Variants in PTPRT observed in about 807,000 individuals in gnomAD.
PTPRT encodes the protein receptor-type tyrosine-protein phosphatase T.
In PTPRT, 56 loss-of-function variants were observed where a neutral mutation model predicts 176.8. The observed-to-expected ratio is 0.32, with a 90% CI of 0.26 to 0.40. The LOEUF (loss-of-function observed/expected upper bound fraction) is 0.40, where lower values mean the gene tolerates loss of function less well. Ranked by LOEUF, PTPRT falls within the 10% of genes least tolerant of loss-of-function variation. The pLI is 1.00. For missense variants in PTPRT, 1,540 were observed against 1,908.2 expected, an observed-to-expected ratio of 0.81 and a Z score of 3.60; for synonymous variants, 783 against 739.0, an observed-to-expected ratio of 1.06 and a Z score of -0.96.
chr20:42,140,949 A>T (rs1026366565), intron 18 of PTPRT, among the ~76,000 whole-genome samples: 3 of 152,098 alleles, frequency 2.0e-5, no homozygotes, highest in African/African-American at 7.2e-5. Context: ...GAGGAATCAA[A>T]AGTTTACAGA....
intron 1 of PTPRT, among the ~76,000 whole-genome samples, chr20:43,143,180 T>G (rs2014070382): frequency 6.6e-6 from 1 of 152,158 alleles, no homozygotes; most frequent in Non-Finnish European, 1.5e-5. Flanking sequence ...CTCTTCACCC[T>G]GGGTTACTCC....
At chr20:42,152,434 A>G (rs1001242503) in intron 17 of PTPRT, among the ~76,000 whole-genome samples, 1 of 152,254 alleles carries the variant, frequency 6.6e-6, no homozygotes, top group African/African-American at 2.4e-5. Context: ...AGAAAATCAG[A>G]TTGCAGCAAG....
the PTPRT span, among the ~76,000 whole-genome samples, chr20:42,048,644 G>A: frequency 5.7e-4 from 87 of 152,080 alleles, no homozygotes; most frequent in African/African-American, 2.1e-3. Context: ...GAGCAAGAAT[G>A]CCTCTAGATG....
intron 2 of PTPRT, among the ~76,000 whole-genome samples, chr20:42,860,652 T>C (rs1443911771): frequency 6.6e-6 from 1 of 152,208 alleles, no homozygotes; most frequent in Non-Finnish European, 1.5e-5. Flanking sequence ...TGAATCCTTT[T>C]ATATTATGTT....
chr20:42,878,983 C>A (rs1192331748), intron 2 of PTPRT, among the ~76,000 whole-genome samples: 2 of 152,040 alleles, frequency 1.3e-5, no homozygotes, highest in African/African-American at 4.8e-5. Context: ...GAGCCGAGAT[C>A]GTGCTACAGC....
chr20:42,164,546 T>C (rs1989745938), intron 16 of PTPRT, among the ~76,000 whole-genome samples: 1 of 152,198 alleles, frequency 6.6e-6, no homozygotes, highest in Non-Finnish European at 1.5e-5. Flanking sequence ...TTCCAAAGTA[T>C]CTTACCTCAC....
At chr20:42,402,746 T>A (rs1325080444) in intron 9 of PTPRT, among the ~76,000 whole-genome samples, 1 of 151,890 alleles carries the variant, frequency 6.6e-6, no homozygotes, top group Non-Finnish European at 1.5e-5. Context: ...GCAGGATTTG[T>A]GAAAACATCT....
At chr20:43,130,998 C>T (rs1256844242) in intron 1 of PTPRT, among the ~76,000 whole-genome samples, 3 of 152,216 alleles carry the variant, frequency 2.0e-5, no homozygotes, top group African/African-American at 7.2e-5. Context: ...CCACCTGACG[C>T]CTACAACAGT....
At position 42,505,883 on chromosome 20, in the gene PTPRT, T is replaced by G. The variant is rs370112211; in HGVS notation, c.1154-33321A>C. ...TGACTGCTTTTCATTGGAATTGGAT[T>G]AAAGCATATTTCACTTTGTTCATTG... On this transcript the variant is annotated intron_variant, in intron 7 of 30. Transcript: ENST00000373187. 8.5e-5 allele frequency among the ~76,000 whole-genome samples: 13 copies of G among 152,286 alleles called. No individual in the cohort carries two copies. The East Asian group carries it at 1.4e-3, about 16-fold the overall frequency.
intron 16 of PTPRT, among the ~76,000 whole-genome samples, chr20:42,184,587 T>TCTTCTTCTTCTC (rs1990680596): frequency 7.0e-6 from 1 of 142,930 alleles, no homozygotes; most frequent in Non-Finnish European, 1.5e-5. Context: ...TTCTTCTTCT[T>TCTTCTTCTTCTC]CTTCTTCCTC....
intron 1 of PTPRT, among the ~76,000 whole-genome samples, chr20:42,896,631 G>A (rs1188498731): frequency 6.2e-5 from 8 of 129,692 alleles, no homozygotes; most frequent in African/African-American, 9.3e-5. Flanking sequence ...GCACAACTCC[G>A]TCTCAAAAAA....
chr20:43,165,953 G>A (rs2014847668), intron 1 of PTPRT, among the ~76,000 whole-genome samples: 1 of 152,156 alleles, frequency 6.6e-6, no homozygotes. Flanking sequence ...TCTTTGGGAG[G>A]CCGAGGCAGG....
intron 7 of PTPRT, among the ~76,000 whole-genome samples, chr20:42,553,897 C>A (rs1158027609): frequency 6.6e-6 from 1 of 152,066 alleles, no homozygotes; most frequent in Non-Finnish European, 1.5e-5. Context: ...TAAGGTGGAG[C>A]TGATGGGTCT....
At chr20:42,892,101 T>C (rs1273085160) in intron 1 of PTPRT, among the ~76,000 whole-genome samples, 3 of 152,364 alleles carry the variant, frequency 2.0e-5, no homozygotes, top group Middle Eastern at 6.8e-3. Context: ...CTTTCTTCTT[T>C]GTATAAATGA....
intron 15 of PTPRT, among the ~76,000 whole-genome samples, chr20:42,204,272 T>C (rs890879922): frequency 6.6e-6 from 1 of 151,062 alleles, no homozygotes; most frequent in Non-Finnish European, 1.5e-5. Flanking sequence ...GCCCACAAAA[T>C]AGCTGCAGCT....
intron 13 of PTPRT, among the ~76,000 whole-genome samples, chr20:42,264,534 G>C (rs983636081): frequency 6.6e-6 from 1 of 152,170 alleles, no homozygotes; most frequent in African/African-American, 2.4e-5. Context: ...CCTGGCTCCT[G>C]GATGTCACCT....
intron 2 of PTPRT, among the ~76,000 whole-genome samples, chr20:42,820,647 T>A (rs966932794): frequency 6.6e-6 from 1 of 150,954 alleles, no homozygotes; most frequent in Non-Finnish European, 1.5e-5. Flanking sequence ...TTCGAAAAAA[T>A]TAACAAAATA....
intron 1 of PTPRT, among the ~76,000 whole-genome samples, chr20:42,922,027 C>T (rs1979177769): frequency 6.6e-6 from 1 of 152,188 alleles, no homozygotes; most frequent in Non-Finnish European, 1.5e-5. Context: ...CCTCTGCCTC[C>T]CGGGTTCAAG....
intron 15 of PTPRT, 81 bp from the exon 16 acceptor site, chr20:42,199,469 C>T: frequency 1.4e-6 from 2 of 1,451,832 alleles, no homozygotes; most frequent in Non-Finnish European, 1.9e-6. Context: ...TGTTCTTCCC[C>T]AATGCTCATC....
Sources: gnomAD v4.1 joint callset for allele counts (sites outside exome capture counted in the v4.1 genomes callset) on GRCh38, gnomAD v4.1.1 for gene constraint, MANE v1.5 for transcripts, NCBI Gene and HGNC (gene_info 2026-07-23, HGNC 2026-07-21) for gene names.